The following SLC66A3 variants were observed in gnomAD, a reference collection of about 807,000 sequenced individuals.
The protein encoded by SLC66A3 is solute carrier family 66 member 3.
Under a neutral mutation model 25.5 loss-of-function variants are expected in SLC66A3, and 23 were observed. The observed-to-expected ratio is 0.90, with a 90% CI of 0.65 to 1.28. SLC66A3 has a LOEUF of 1.28. Ranked by LOEUF, SLC66A3 falls within the 50% of genes most tolerant of loss-of-function variation. The pLI is 0.00. For synonymous variants in SLC66A3, 108 were observed against 112.6 expected, an observed-to-expected ratio of 0.96 and a Z score of 0.26; for missense variants, 246 against 262.1, an observed-to-expected ratio of 0.94 and a Z score of 0.42.
At chr2:11,156,161 G>A (rs945212608) in intron 1 of SLC66A3, among the ~76,000 whole-genome samples, 1 of 152,194 alleles carries the variant, frequency 6.6e-6, no homozygotes, top group African/African-American at 2.4e-5. Context: ...GATTGGTGGG[G>A]AATCTTTCCT....
Position 11,160,498 on chromosome 2 carries a change from A to G in SLC66A3, c.176A>G (p.Tyr59Cys), listed in dbSNP as rs145348720. Reference sequence around the variant, plus strand: ...GTGTTTCTGCGGTACCAGTGTTACTATGGGTATCCGCCGCTGACCTACCTG... The same window carrying G: ...GTGTTTCTGCGGTACCAGTGTTACTGTGGGTATCCGCCGCTGACCTACCTG... ...FLVFLRYQCY[Y>C]GYPPLTYLEY... The change falls in exon 2 of 7, where the codon TAT (tyrosine) becomes TGT (cysteine). Residue 59 changes from tyrosine to cysteine, a missense_variant. Tyr to Cys is a radical substitution (Grantham distance 194). This residue lies in a region of SLC66A3 where 142 missense variants were observed against 130.3 expected (regional missense o/e 1.09). Coordinates refer to ENST00000295083, the MANE Select transcript of SLC66A3 (RefSeq NM_152391.5). 15 of 1,613,884 alleles carry G rather than the reference A, an allele frequency of 9.3e-6. No individual in the cohort carries two copies. The East Asian group carries it at 2.0e-4, about 22-fold the overall frequency.
chr2:11,169,473 A>T (rs750699626), intron 4 of SLC66A3, among the ~76,000 whole-genome samples: 1 of 151,930 alleles, frequency 6.6e-6, no homozygotes, highest in Non-Finnish European at 1.5e-5. Flanking sequence ...TTCTTCATTC[A>T]TATCTCGGTA....
At chr2:11,165,188 G>A (rs997162721) in intron 4 of SLC66A3, among the ~76,000 whole-genome samples, 1 of 151,694 alleles carries the variant, frequency 6.6e-6, no homozygotes, top group Non-Finnish European at 1.5e-5. Context: ...CCTGGACAGG[G>A]CGGCTGCCGG....
intron 4 of SLC66A3, among the ~76,000 whole-genome samples, chr2:11,168,010 G>A (rs922557869): frequency 6.6e-6 from 1 of 152,216 alleles, no homozygotes; most frequent in African/African-American, 2.4e-5. Context: ...GCCGGGTGCG[G>A]TGGCTCACGC....
intron 3 of SLC66A3, among the ~76,000 whole-genome samples, chr2:11,163,104 T>C (rs4669697): frequency 0.37 from 56,275 of 152,002 alleles, 10,716 homozygotes; most frequent in East Asian, 0.51. Flanking sequence ...AAATGAGCCA[T>C]GTGTGGTGTC....
At chr2:11,168,636 G>A (rs943505758) in intron 4 of SLC66A3, among the ~76,000 whole-genome samples, 2 of 152,012 alleles carry the variant, frequency 1.3e-5, no homozygotes, top group African/African-American at 4.8e-5. Context: ...CTGGTTCTCT[G>A]GTGCGAGCCC....
At chr2:11,175,721 T>C (rs532352392) in intron 6 of SLC66A3, among the ~76,000 whole-genome samples, 23 of 152,246 alleles carry the variant, frequency 1.5e-4, no homozygotes, top group Admixed American at 2.6e-4. Flanking sequence ...GGAAATACTA[T>C]GGTTAACCAC....
chr2:11,155,651 G>C lies in SLC66A3; in HGVS notation c.105G>C (p.Arg35=). The change falls in exon 1 of 7, where the codon CGG becomes CGC. Residue 35 remains arginine (R), a synonymous_variant. Coordinates refer to ENST00000295083, the MANE Select transcript of SLC66A3 (RefSeq NM_152391.5). ...CTGTGCTAGCGGCGCGCAGCGCGCG[G>C]GGCCTCAGCCTTCCGAGTTTACTTC... ...ISAVLAARSA[R]GLSLPSLLLE... is the part of the protein sequence containing the mutation. 2 of 1,490,598 alleles carry C rather than the reference G, an allele frequency of 1.3e-6. No homozygotes were observed. The highest frequency in any genetic ancestry group is 1.8e-6 in the Non-Finnish European group (2 of 1,128,896). The allele number at this position is 1,490,598 out of a possible 1,614,324, so 92.3% of individuals were successfully genotyped here.
chr2:11,165,710 C>T (rs1458230596), intron 4 of SLC66A3, among the ~76,000 whole-genome samples: 3 of 152,202 alleles, frequency 2.0e-5, no homozygotes, highest in African/African-American at 4.8e-5. Context: ...CGTCACTGCA[C>T]TCCAGCCTGG....
rs1019626313 is a variant in SLC66A3, at chr2:11,178,568, C to A, written c.*740C>A. ...TTAAAGGGCCACAACTATAGAATTACCACTGTTGGAATTTGGTACAAAATA... is the reference window on the plus strand; with the variant it reads ...TTAAAGGGCCACAACTATAGAATTAACACTGTTGGAATTTGGTACAAAATA... On this transcript the variant is annotated 3_prime_UTR_variant, in exon 7 of 7. Transcript: ENST00000295083. 1 of 152,618 alleles carries A rather than the reference C, an allele frequency of 6.6e-6. No individual in the cohort carries two copies. The highest frequency in any genetic ancestry group is 1.5e-5 in the Non-Finnish European group (1 of 68,034). The allele number at this position is 152,618 out of a possible 1,614,324, so 9.5% of individuals were successfully genotyped here. A position where few individuals can be genotyped will look rare whatever the true frequency, so the allele number is the denominator to read the frequency against.
intron 1 of SLC66A3, among the ~76,000 whole-genome samples, chr2:11,156,253 A>G (rs1661896521): frequency 6.6e-6 from 1 of 152,224 alleles, no homozygotes; most frequent in Non-Finnish European, 1.5e-5. Context: ...GTCATCTGTA[A>G]GGAAGTTGGA....
intron 4 of SLC66A3, among the ~76,000 whole-genome samples, chr2:11,166,811 C>T (rs571958516): frequency 3.3e-5 from 5 of 152,330 alleles, no homozygotes; most frequent in Non-Finnish European, 7.3e-5. Context: ...AGGAGAATCG[C>T]TTCAACCCCG....
Position 11,160,494 on chromosome 2 carries a change from T to A in SLC66A3, c.172T>A (p.Tyr58Asn), listed in dbSNP as rs199747267. 10 of 1,614,032 alleles carry A rather than the reference T, an allele frequency of 6.2e-6. No individual in the cohort carries two copies. Among genetic ancestry groups the A allele is most frequent in the South Asian group, 1.1e-5 (1 of 91,082 alleles). Residue 58 changes from tyrosine to asparagine, a missense_variant, in exon 2 of 7, where the codon TAC becomes AAC. Coordinates refer to ENST00000295083, the MANE Select transcript of SLC66A3 (RefSeq NM_152391.5). ...CCTGGTGTTTCTGCGGTACCAGTGT[T>A]ACTATGGGTATCCGCCGCTGACCTA... ...GFLVFLRYQC[Y>N]YGYPPLTYLE...
chr2:11,158,877 G>A (rs914528781), intron 1 of SLC66A3, among the ~76,000 whole-genome samples: 1 of 152,180 alleles, frequency 6.6e-6, no homozygotes, highest in African/African-American at 2.4e-5. Flanking sequence ...CACCTCCCCA[G>A]GCTGCAGGGA....
intron 3 of SLC66A3, among the ~76,000 whole-genome samples, chr2:11,161,349 G>C (rs1220657192): frequency 6.6e-6 from 1 of 151,634 alleles, no homozygotes; most frequent in African/African-American, 2.4e-5. Context: ...TGGGATCAAA[G>C]CTCACTGCAG....
At chr2:11,165,239 G>A (rs1030622970) in intron 4 of SLC66A3, among the ~76,000 whole-genome samples, 14 of 151,200 alleles carry the variant, frequency 9.3e-5, no homozygotes, top group Admixed American at 3.3e-4. Flanking sequence ...TGGCTGCCGG[G>A]CGTAGGGGCT....
At chr2:11,167,112 C>G (rs993235344) in intron 4 of SLC66A3, among the ~76,000 whole-genome samples, 2 of 152,238 alleles carry the variant, frequency 1.3e-5, no homozygotes, top group East Asian at 1.9e-4. Context: ...GAGCCTTCAC[C>G]CCTGAGGAAA....
chr2:11,173,612 A>G (rs1662630620), intron 5 of SLC66A3, among the ~76,000 whole-genome samples: 1 of 152,230 alleles, frequency 6.6e-6, no homozygotes, highest in African/African-American at 2.4e-5. Flanking sequence ...AGGGGCTTGC[A>G]GTTTAGTTGG....
intron 6 of SLC66A3, among the ~76,000 whole-genome samples, chr2:11,176,831 G>A (rs1187238690): frequency 6.6e-6 from 1 of 152,118 alleles, no homozygotes; most frequent in Non-Finnish European, 1.5e-5. Context: ...CCCGGCCAGG[G>A]AATAACTTTT....
Sources: allele counts gnomAD v4.1 joint callset (sites outside exome capture counted in the v4.1 genomes callset), GRCh38; gene constraint gnomAD v4.1.1; regional missense constraint gnomAD v4.1.1; transcripts MANE v1.5; gene names NCBI Gene and HGNC (gene_info 2026-07-23, HGNC 2026-07-21).